Variants in RGS20 observed in about 807,000 individuals in gnomAD.
RGS20 encodes the protein gz-selective GTPase-activating protein.
A neutral mutation model predicts 33.6 loss-of-function variants in RGS20; 30 were observed. The observed-to-expected ratio is 0.89, with a 90% CI of 0.67 to 1.21. The LOEUF (loss-of-function observed/expected upper bound fraction) is 1.21, where lower values mean the gene tolerates loss of function less well. Ranked by LOEUF, RGS20 falls within the 50% of genes most tolerant of loss-of-function variation. The probability of loss-of-function intolerance (pLI) is 0.00; values close to 1 mark genes in which losing one functional copy is unlikely to be tolerated. For synonymous variants in RGS20, 208 were observed against 197.9 expected, an observed-to-expected ratio of 1.05 and a Z score of -0.43; for missense variants, 472 against 502.4, an observed-to-expected ratio of 0.94 and a Z score of 0.58.
intron 4 of RGS20, among the ~76,000 whole-genome samples, chr8:53,948,551 T>C (rs1485203778): frequency 1.6e-4 from 10 of 62,186 alleles, no homozygotes; most frequent in Non-Finnish European, 2.1e-4. Context: ...ATATGCTATA[T>C]ATGATACAGT....
rs1812238089 is a variant in RGS20, at chr8:53,877,619, A to G, written c.166-1639A>G. ...TCCTCGGCTCCCAGCTCCAGCCCCT[A>G]AAATAAAAGCACCTTGCCAGAGAGC... On this transcript the variant is annotated intron_variant, in intron 1 of 5. Transcript: ENST00000297313. The surrounding 1 kb of genome is among the most constrained non-coding windows in gnomAD (Gnocchi z 5.7). Among the ~76,000 whole-genome samples the G allele has an allele frequency of 6.6e-6, 1 of 152,178 alleles. No homozygotes were observed. Among genetic ancestry groups the G allele is most frequent in the Non-Finnish European group, 1.5e-5 (1 of 68,020 alleles).
chr8:53,883,399 G>C (rs1429990867), intron 2 of RGS20, among the ~76,000 whole-genome samples: 1 of 151,850 alleles, frequency 6.6e-6, no homozygotes, highest in African/African-American at 2.4e-5. Context: ...CCCGGCCTCA[G>C]GTGATCCGCC....
chr8:53,867,727 C>G (rs1378470387), intron 1 of RGS20, among the ~76,000 whole-genome samples: 14 of 150,792 alleles, frequency 9.3e-5, no homozygotes, highest in Middle Eastern at 3.4e-3. Flanking sequence ...TTCCTTCTTT[C>G]TTTCTTTCCT....
chr8:53,860,752 C>T (rs911550986), intron 1 of RGS20, among the ~76,000 whole-genome samples: 7 of 152,116 alleles, frequency 4.6e-5, no homozygotes, highest in African/African-American at 1.2e-4. Context: ...GATCACTTGA[C>T]GTCAGGAGTT....
At chr8:53,865,607 TG>T (rs1469852141) in intron 1 of RGS20, among the ~76,000 whole-genome samples, 2 of 152,160 alleles carry the variant, frequency 1.3e-5, no homozygotes, top group Non-Finnish European at 2.9e-5. Flanking sequence ...GGGGGTTTTT[TG>T]TTTGTTTGTT....
At chr8:53,916,327 C>T (rs1459137370) in intron 2 of RGS20, among the ~76,000 whole-genome samples, 1 of 152,056 alleles carries the variant, frequency 6.6e-6, no homozygotes. Context: ...CAGCCTAAGA[C>T]CCATTTTTGC....
chr8:53,871,518 G>A (rs565276560), intron 1 of RGS20, among the ~76,000 whole-genome samples: 1 of 152,154 alleles, frequency 6.6e-6, no homozygotes, highest in South Asian at 2.1e-4. Context: ...TTAGGAAGCT[G>A]AGGCAGGAGA....
chr8:53,923,062 C>T (rs1248561922), intron 2 of RGS20, among the ~76,000 whole-genome samples: 4 of 152,012 alleles, frequency 2.6e-5, no homozygotes, highest in Admixed American at 2.6e-4. Context: ...GATATAGAAA[C>T]TTTTCTCTTA....
intron 2 of RGS20, among the ~76,000 whole-genome samples, chr8:53,932,290 C>A (rs1182262209): frequency 6.6e-6 from 1 of 152,100 alleles, no homozygotes; most frequent in African/African-American, 2.4e-5. Flanking sequence ...CCGTTCACAC[C>A]CCTGAAAAGG....
intron 2 of RGS20, among the ~76,000 whole-genome samples, chr8:53,930,759 G>T (rs1176278899): frequency 1.3e-5 from 2 of 151,970 alleles, no homozygotes; most frequent in South Asian, 4.2e-4. Context: ...ATGTTGGCCG[G>T]GCTGGTCTCG....
intron 1 of RGS20, chr8:53,852,159 G>T: frequency 8.7e-7 from 1 of 1,149,622 alleles, no homozygotes; most frequent in Admixed American, 2.5e-5. Context: ...TAGTGCCATT[G>T]CTCACTTATC....
chr8:53,944,947 A>G (rs1172226141), intron 3 of RGS20, among the ~76,000 whole-genome samples: 1 of 152,194 alleles, frequency 6.6e-6, no homozygotes, highest in Non-Finnish European at 1.5e-5. Flanking sequence ...AAGCTAGAAT[A>G]AAAAAGACAA....
At chr8:53,956,885 C>A (rs978714314) in intron 5 of RGS20, among the ~76,000 whole-genome samples, 1 of 152,046 alleles carries the variant, frequency 6.6e-6, no homozygotes, top group South Asian at 2.1e-4. Context: ...CAGTGGCTCA[C>A]GCCTGTAATC....
intron 1 of RGS20, among the ~76,000 whole-genome samples, chr8:53,866,324 C>T (rs767511381): frequency 6.6e-6 from 1 of 151,932 alleles, no homozygotes; most frequent in African/African-American, 2.4e-5. Flanking sequence ...GAACTTCATC[C>T]TGCAGAGAAA....
intron 1 of RGS20, among the ~76,000 whole-genome samples, chr8:53,854,080 C>T (rs764486550): frequency 1.3e-5 from 2 of 152,004 alleles, no homozygotes; most frequent in Non-Finnish European, 2.9e-5. Flanking sequence ...AAATTACCCC[C>T]AAATATAACA....
At chr8:53,894,737 G>A (rs1812806302) in intron 2 of RGS20, among the ~76,000 whole-genome samples, 1 of 152,218 alleles carries the variant, frequency 6.6e-6, no homozygotes, top group South Asian at 2.1e-4. Context: ...CAACCTCCCT[G>A]AAGCTGAGTT....
At chr8:53,938,000 G>A (rs1814181814) in intron 2 of RGS20, among the ~76,000 whole-genome samples, 1 of 152,212 alleles carries the variant, frequency 6.6e-6, no homozygotes, top group South Asian at 2.1e-4. Context: ...TCTAGAACCA[G>A]AAATACCATT....
chr8:53,889,040 C>T (rs1379500815), intron 2 of RGS20, among the ~76,000 whole-genome samples: 1 of 152,134 alleles, frequency 6.6e-6, no homozygotes, highest in East Asian at 1.9e-4. Flanking sequence ...TTTTGATGAA[C>T]TTATTTCCTT....
intron 2 of RGS20, among the ~76,000 whole-genome samples, chr8:53,906,399 A>T (rs559291979): frequency 2.6e-5 from 4 of 151,704 alleles, no homozygotes; most frequent in Admixed American, 2.6e-4. Context: ...AAAACAACTC[A>T]CTCAACCCTC....
Sources: gnomAD v4.1 joint callset for allele counts (sites outside exome capture counted in the v4.1 genomes callset) on GRCh38, gnomAD v4.1.1 for gene constraint, Gnocchi (gnomAD v3.1) non-coding constraint, MANE v1.5 for transcripts, NCBI Gene and HGNC (gene_info 2026-07-23, HGNC 2026-07-21) for gene names.